The following KCMF1 variants were observed in gnomAD, a reference collection of about 807,000 sequenced individuals.
KCMF1 encodes the protein potassium channel modulatory factor 1.
KCMF1 carries 3 observed loss-of-function variants against 41.1 expected under a neutral mutation model. The observed-to-expected ratio is 0.07, with a 90% CI of 0.03 to 0.19. KCMF1 has a LOEUF of 0.19. Ranked by LOEUF, KCMF1 falls within the 10% of genes least tolerant of loss-of-function variation. The pLI is 1.00. For missense variants in KCMF1, 286 were observed against 488.9 expected, an observed-to-expected ratio of 0.58 and a Z score of 3.91; for synonymous variants, 142 against 164.5, an observed-to-expected ratio of 0.86 and a Z score of 1.04.
rs1290251415 is a variant in KCMF1 at position 85,056,604 on chromosome 2, G to A, written c.*3195G>A. On this transcript the variant is annotated 3_prime_UTR_variant, in exon 7 of 7. Coordinates refer to ENST00000409785, the MANE Select transcript of KCMF1 (RefSeq NM_020122.5). ...TGGGGGGTAGAAGGAGAATACTAGAGAGGTTACGGTAGCAGGTGGCTGCAG... is the reference window on the plus strand; with the variant it reads ...TGGGGGGTAGAAGGAGAATACTAGAAAGGTTACGGTAGCAGGTGGCTGCAG... The A allele has an allele frequency of 5.9e-5, 9 of 152,196 alleles. No homozygotes were observed. The highest frequency in any genetic ancestry group is 1.7e-4 in the African/African-American group (7 of 41,416). 9.4% of individuals were successfully genotyped at this position (152,196 alleles called of 1,614,324 possible).
intron 1 of KCMF1, among the ~76,000 whole-genome samples, chr2:85,008,312 T>TATATAATATATCATATGATATATA (rs372495671): frequency 1.7e-4 from 3 of 18,130 alleles, no homozygotes; most frequent in African/African-American, 2.7e-4. Flanking sequence ...TATAATATGA[T>TATATAATATATCATATGATATATA]ATATATATCA....
At chr2:85,012,706 G>A (rs1277415901) in intron 1 of KCMF1, among the ~76,000 whole-genome samples, 2 of 152,344 alleles carry the variant, frequency 1.3e-5, no homozygotes, top group Middle Eastern at 3.4e-3. Flanking sequence ...TTCCGCCAGT[G>A]CTAGAGTATT....
intron 1 of KCMF1, among the ~76,000 whole-genome samples, chr2:85,017,398 C>CT (rs1200750920): frequency 2.0e-5 from 3 of 152,218 alleles, no homozygotes; most frequent in Admixed American, 6.5e-5. Context: ...TGGAGATTGT[C>CT]TATCATTTAA....
chr2:84,974,693 T>TATA (rs1559123127), intron 1 of KCMF1, among the ~76,000 whole-genome samples: 11 of 24,760 alleles, frequency 4.4e-4, no homozygotes, highest in African/African-American at 8.8e-4. Flanking sequence ...ATATATATAT[T>TATA]TTTTTTTTTT....
chr2:84,974,959 G>A (rs920008209), intron 1 of KCMF1, among the ~76,000 whole-genome samples: 8 of 151,620 alleles, frequency 5.3e-5, no homozygotes, highest in Admixed American at 2.6e-4. Context: ...CGCCGGCCTC[G>A]GCCTCCCAAA....
chr2:85,026,459 T>TTTA (rs35093562), intron 1 of KCMF1, among the ~76,000 whole-genome samples: 11,805 of 139,278 alleles, frequency 0.085, 541 homozygotes, highest in Middle Eastern at 0.11. Context: ...CTTTCTTTCC[T>TTTA]TTATTATTAT....
rs1280375327 is a variant in KCMF1 at position 85,027,969 on chromosome 2, T to C, written c.97T>C (p.Cys33Arg). The change falls in exon 2 of 7, where the codon TGT (cysteine) becomes CGT (arginine). Residue 33 changes from cysteine to arginine, a missense_variant. Cys to Arg is a radical substitution (Grantham distance 180). Around this residue, in one of 2 missense-constraint regions of KCMF1, gnomAD observed 95 missense variants for 209.6 expected, o/e 0.45. Coordinates refer to ENST00000409785, the MANE Select transcript of KCMF1 (RefSeq NM_020122.5). ...TTTAATTTGCTACGATTACGATCTT[T>C]GTGCATCTTGTTATGAAAGTGGTGC... is the stretch of plus-strand genomic sequence containing the variant. The part of the protein sequence containing the change: ...KCLICYDYDL[C>R]ASCYESGATT... 1 of 1,612,840 alleles carries C rather than the reference T, an allele frequency of 6.2e-7. No individual in the cohort carries two copies.
At chr2:85,010,926 C>T (rs890920648) in intron 1 of KCMF1, among the ~76,000 whole-genome samples, 1 of 151,912 alleles carries the variant, frequency 6.6e-6, no homozygotes. Context: ...TCACTGCAAC[C>T]TCCACCTCCC....
At chr2:85,008,340 G>GATATATTATATATATC (rs1558573544) in intron 1 of KCMF1, among the ~76,000 whole-genome samples, 1 of 27,318 alleles carries the variant, frequency 3.7e-5, no homozygotes, top group African/African-American at 1.1e-4. Flanking sequence ...TATATAATAT[G>GATATATTATATATATC]ATATATAATA....
intron 1 of KCMF1, among the ~76,000 whole-genome samples, chr2:84,998,431 A>G (rs1335871611): frequency 1.3e-5 from 2 of 152,156 alleles, no homozygotes; most frequent in African/African-American, 2.4e-5. Context: ...AAACACATAC[A>G]TAATGGAAAC....
intron 1 of KCMF1, among the ~76,000 whole-genome samples, chr2:85,026,741 C>T (rs1029980605): frequency 6.6e-6 from 1 of 152,060 alleles, no homozygotes; most frequent in African/African-American, 2.4e-5. Context: ...CCCTGCCTCG[C>T]CTTGCCAAAG....
rs1458837372 is a variant in KCMF1 at position 84,974,687 on chromosome 2, ATATATTTTTTTTTTT to A, written c.16+3222_16+3236del. Among the ~76,000 whole-genome samples, 9 of 35,444 alleles carry A rather than the reference ATATATTTTTTTTTTT, an allele frequency of 2.5e-4. No individual in the cohort carries two copies. In the East Asian group the frequency reaches 0.01, roughly 41 times the overall value. 23.3% of individuals were successfully genotyped at this position (35,444 alleles called of 152,430 possible). ...TATATATATATATATATATATATATATATATTTTTTTTTTTTTTTTTTTTTTTTTTTTTTTTGAGA... is the reference window on the plus strand; with the variant it reads ...TATATATATATATATATATATATATATTTTTTTTTTTTTTTTTTTTTGAGA... On this transcript the variant is annotated intron_variant, in intron 1 of 6. Coordinates refer to ENST00000409785, the MANE Select transcript of KCMF1 (RefSeq NM_020122.5).
intron 3 of KCMF1, among the ~76,000 whole-genome samples, chr2:85,038,727 A>C (rs1558584274): frequency 6.6e-6 from 1 of 151,968 alleles, no homozygotes; most frequent in Non-Finnish European, 1.5e-5. Context: ...CTGTGGAAAA[A>C]CTGTTTTAAA....
chr2:85,031,887 A>C (rs568257036), intron 2 of KCMF1, among the ~76,000 whole-genome samples: 1 of 152,140 alleles, frequency 6.6e-6, no homozygotes, highest in African/African-American at 2.4e-5. Flanking sequence ...CCACATGCAC[A>C]TGCCACCACA....
At position 84,971,457 on chromosome 2, in the gene KCMF1, C is replaced by G. The variant is rs1451776872; in HGVS notation, c.6C>G (p.Ser2=). 7.8e-7 allele frequency: 1 copy of G among 1,289,344 alleles called. No individual in the cohort carries two copies. Among genetic ancestry groups the G allele is most frequent in the South Asian group, 1.7e-5 (1 of 58,314 alleles). 79.9% of individuals were successfully genotyped at this position (1,289,344 alleles called of 1,614,324 possible). The part of the protein sequence containing the change: M[S]RHEGVSCDAC... ...CCGCCACCGTCTGAACTAGGATGTC[C>G]CGACATGAAGGTGAGAGGAGCCCCC... Residue 2 remains serine, a synonymous_variant, in exon 1 of 7, where the codon TCC becomes TCG. Transcript: ENST00000409785.
In KCMF1 at chr2:85,058,397, A is replaced by G. The variant is rs573792536; in HGVS notation, c.*4988A>G. On this transcript the variant is annotated 3_prime_UTR_variant, in exon 7 of 7. Transcript: ENST00000409785. The stretch of plus-strand genomic sequence containing the variant: ...ACTCTCCTCAAAACAAAAAAAAAAG[A>G]AAGAAAACCCATGTGGGCCGCATGT... The G allele has an allele frequency of 6.6e-6, 1 of 152,112 alleles. No individual in the cohort carries two copies. Among genetic ancestry groups the G allele is most frequent in the East Asian group, 1.9e-4 (1 of 5,164 alleles). 9.4% of individuals were successfully genotyped at this position (152,112 alleles called of 1,614,324 possible).
intron 4 of KCMF1, among the ~76,000 whole-genome samples, chr2:85,044,846 T>A (rs556827232): frequency 6.6e-6 from 1 of 152,332 alleles, no homozygotes; most frequent in African/African-American, 2.4e-5. Context: ...ATTCCCTTCC[T>A]TGTCTCTCAA....
chr2:84,985,862 T>C (rs1261770573), intron 1 of KCMF1, among the ~76,000 whole-genome samples: 1 of 150,694 alleles, frequency 6.6e-6, no homozygotes. Context: ...AGAAACTAGG[T>C]CATCTACATA....
intron 2 of KCMF1, among the ~76,000 whole-genome samples, chr2:85,030,755 G>A (rs962007935): frequency 1.3e-5 from 2 of 152,292 alleles, no homozygotes; most frequent in East Asian, 3.9e-4. Flanking sequence ...GGAGTGCAGT[G>A]GTGCGATCTT....
Sources: gnomAD v4.1 joint callset for allele counts (sites outside exome capture counted in the v4.1 genomes callset) on GRCh38, gnomAD v4.1.1 for gene constraint, gnomAD v4.1.1 regional missense constraint, MANE v1.5 for transcripts, NCBI Gene and HGNC (gene_info 2026-07-23, HGNC 2026-07-21) for gene names.